UTRN: variants seen among roughly 807,000 people sequenced by gnomAD.
The protein encoded by UTRN is utrophin, also known as dystrophin-related protein 1.
In UTRN, 283 loss-of-function variants were observed where a neutral mutation model predicts 463.9. The observed-to-expected ratio is 0.61, with a 90% CI of 0.55 to 0.67. UTRN has a LOEUF of 0.67. UTRN is among the 30% of genes least tolerant of loss of function. UTRN has a pLI of 0.00. For synonymous variants in UTRN, 1,442 were observed against 1,431.5 expected, an observed-to-expected ratio of 1.01 and a Z score of -0.17; for missense variants, 3,922 against 4,084.3, an observed-to-expected ratio of 0.96 and a Z score of 1.08.
intron 50 of UTRN, among the ~76,000 whole-genome samples, chr6:144,561,336 A>G (rs1799897463): frequency 6.8e-6 from 1 of 148,048 alleles, no homozygotes. Context: ...GTGTGTTTAT[A>G]CACACACATA....
At chr6:144,651,332 A>G (rs986282056) in intron 51 of UTRN, among the ~76,000 whole-genome samples, 1 of 152,190 alleles carries the variant, frequency 6.6e-6, no homozygotes, top group Non-Finnish European at 1.5e-5. Flanking sequence ...CAAATGCGCA[A>G]TTATATAGTA....
chr6:144,676,527 GT>G (rs1241338276), intron 51 of UTRN, among the ~76,000 whole-genome samples: 1 of 149,168 alleles, frequency 6.7e-6, no homozygotes, highest in Non-Finnish European at 1.5e-5. Context: ...TTAAAAGTTT[GT>G]TTTTTTTTTA....
intron 2 of UTRN, among the ~76,000 whole-genome samples, chr6:144,380,334 G>T (rs1419980708): frequency 6.6e-6 from 1 of 152,168 alleles, no homozygotes; most frequent in Non-Finnish European, 1.5e-5. Context: ...AAATGTCTAG[G>T]AGGATGTATA....
At chr6:144,630,040 T>C (rs1776347644) in intron 51 of UTRN, among the ~76,000 whole-genome samples, 2 of 151,522 alleles carry the variant, frequency 1.3e-5, no homozygotes, top group South Asian at 4.2e-4. Context: ...AAAAAAAAAT[T>C]AGCCAGGCGT....
intron 51 of UTRN, among the ~76,000 whole-genome samples, chr6:144,620,702 T>C (rs1562660393): frequency 1.3e-5 from 2 of 152,160 alleles, no homozygotes; most frequent in South Asian, 2.1e-4. Context: ...TTACCTGTTA[T>C]AGACAAACTC....
intron 2 of UTRN, chr6:144,330,999 C>G (rs190538536): frequency 1.0e-6 from 1 of 985,192 alleles, no homozygotes; most frequent in Admixed American, 6.2e-5. Flanking sequence ...CAAACGGAGA[C>G]GGCAGACAGT....
At chr6:144,743,207 C>T (rs910125955) in intron 54 of UTRN, among the ~76,000 whole-genome samples, 4 of 152,114 alleles carry the variant, frequency 2.6e-5, no homozygotes, top group African/African-American at 9.7e-5. Flanking sequence ...GGAAAGAAAA[C>T]ATTCTTGACA....
At chr6:144,622,221 C>G (rs1775491465) in intron 51 of UTRN, among the ~76,000 whole-genome samples, 1 of 106,332 alleles carries the variant, frequency 9.4e-6, no homozygotes, top group Non-Finnish European at 1.7e-5. Flanking sequence ...CGGAGTCTTG[C>G]TGTGTCGTCC....
intron 29 of UTRN, 54 bp from the exon 30 acceptor site, chr6:144,488,619 C>A: frequency 6.4e-7 from 1 of 1,566,244 alleles, no homozygotes; most frequent in Admixed American, 1.8e-5. Flanking sequence ...TATATATATT[C>A]TGCTATTTAT....
chr6:144,546,032 A>G (rs939011903), intron 46 of UTRN, among the ~76,000 whole-genome samples: 4 of 152,216 alleles, frequency 2.6e-5, no homozygotes, highest in African/African-American at 7.2e-5. Context: ...TGCAGCGTCT[A>G]GAATAGCCCC....
intron 9 of UTRN, among the ~76,000 whole-genome samples, chr6:144,433,414 T>C (rs1786128029): frequency 6.7e-6 from 1 of 149,028 alleles, no homozygotes; most frequent in African/African-American, 2.5e-5. Context: ...GAGACGCTCC[T>C]CACTTCCCAG....
chr6:144,550,840 C>G, intron 47 of UTRN, 125 bp from the exon 48 acceptor site: 1 of 662,680 alleles, frequency 1.5e-6, no homozygotes, highest in Non-Finnish European at 2.3e-6. Context: ...TGCCACGTTG[C>G]TGATGCTTCA....
chr6:144,572,243 T>C (rs899599605), intron 50 of UTRN, among the ~76,000 whole-genome samples: 7 of 152,154 alleles, frequency 4.6e-5, no homozygotes, highest in Admixed American at 1.3e-4. Context: ...CTTCCTGGGC[T>C]GGATCTCTTT....
At chr6:144,481,422 G>A (rs11969824) in intron 26 of UTRN, among the ~76,000 whole-genome samples, 2,164 of 152,236 alleles carry the variant, frequency 0.014, 32 homozygotes, top group African/African-American at 0.033. Context: ...CTTTATCATT[G>A]AAATGCTATT....
chr6:144,453,952 C>A, intron 19 of UTRN, 83 bp downstream of exon 19: 3 of 1,165,050 alleles, frequency 2.6e-6, no homozygotes, highest in South Asian at 1.8e-5. Flanking sequence ...AAATATTTTG[C>A]TTTAATACTC....
At chr6:144,521,951 A>ATT (rs201203073) in intron 39 of UTRN, 29 bp from the exon 40 acceptor site, 285 of 1,207,044 alleles carry the variant, frequency 2.4e-4, no homozygotes, top group African/African-American at 1.2e-3. Flanking sequence ...ATATATATAT[A>ATT]TATATTTTTT....
At chr6:144,605,212 C>T (rs544064466) in intron 51 of UTRN, among the ~76,000 whole-genome samples, 1 of 152,198 alleles carries the variant, frequency 6.6e-6, no homozygotes, top group South Asian at 2.1e-4. Flanking sequence ...ATCCTATTTT[C>T]CATGACAGTT....
At chr6:144,364,827 TG>T (rs1299140885) in intron 2 of UTRN, among the ~76,000 whole-genome samples, 1 of 152,194 alleles carries the variant, frequency 6.6e-6, no homozygotes, top group Non-Finnish European at 1.5e-5. Context: ...TCTTGGCTCA[TG>T]GCTCTCTTTA....
At chr6:144,493,517 C>G (rs1793266343) in intron 33 of UTRN, 61 bp downstream of exon 33, 7 of 1,520,862 alleles carry the variant, frequency 4.6e-6, no homozygotes, top group East Asian at 2.3e-5. Context: ...CTCAATCTCT[C>G]TCTCTCTCTC....
Sources: allele counts gnomAD v4.1 joint callset (sites outside exome capture counted in the v4.1 genomes callset), GRCh38; gene constraint gnomAD v4.1.1; transcripts MANE v1.5; gene names NCBI Gene and HGNC (gene_info 2026-07-23, HGNC 2026-07-21).